The following KIF1A variants were observed in gnomAD, a reference collection of about 807,000 sequenced individuals.
KIF1A encodes the protein kinesin-like protein KIF1A.
In KIF1A, 46 loss-of-function variants were observed where a neutral mutation model predicts 227.3. The observed-to-expected ratio is 0.20, with a 90% CI of 0.16 to 0.26. The LOEUF (loss-of-function observed/expected upper bound fraction) is 0.26. Ranked by LOEUF, KIF1A falls within the 10% of genes least tolerant of loss-of-function variation. KIF1A has a pLI of 1.00. For missense variants in KIF1A, 1,683 were observed against 2,485.9 expected (o/e 0.68, Z 6.87); for synonymous variants, 1,022 against 1,012.8 (o/e 1.01, Z -0.17).
intron 38 of KIF1A, among the ~76,000 whole-genome samples, chr2:240,729,802 G>T (rs2046405656): frequency 1.3e-5 from 2 of 152,210 alleles, no homozygotes; most frequent in Non-Finnish European, 2.9e-5. Flanking sequence ...ATGGTGGGAG[G>T]GAGCCTTACA....
chr2:240,717,193 C>G lies in KIF1A; in HGVS notation c.*171G>C. ...TGACACGCACAGCCTCTGCTGGGAG[C>G]ACAGCTGGTCGTGTGGCACAGGTCC... On this transcript the variant is annotated 3_prime_UTR_variant, in exon 49 of 49. Coordinates refer to ENST00000498729, the MANE Select transcript of KIF1A (RefSeq NM_001244008.2). The G allele has an allele frequency of 1.7e-6, 1 of 590,254 alleles. No individual in the cohort carries two copies. Among genetic ancestry groups the G allele is most frequent in the South Asian group, 2.2e-5 (1 of 45,852 alleles). 36.6% of individuals were successfully genotyped at this position (590,254 alleles called of 1,614,324 possible). A position where few individuals can be genotyped will look rare whatever the true frequency, so the allele number is the denominator to read the frequency against.
chr2:240,748,097 G>A lies in KIF1A; in HGVS notation c.2978-776C>T, dbSNP rs564422816. Among the ~76,000 whole-genome samples, 5 of 152,348 alleles carry A rather than the reference G, an allele frequency of 3.3e-5. No homozygotes were observed. In the South Asian group the frequency reaches 6.2e-4, roughly 19 times the overall value. ...AAAATGATCCAGTTGTAGGATGGCC[G>A]GCAGGAGGCCTGGCGACGCAGCCCA... On this transcript the variant is annotated intron_variant, in intron 28 of 48. Transcript: ENST00000498729.
intron 1 of KIF1A, among the ~76,000 whole-genome samples, chr2:240,809,056 G>A (rs2126216729): frequency 6.6e-6 from 1 of 152,334 alleles, no homozygotes; most frequent in East Asian, 1.9e-4. Context: ...AAAGAAAATT[G>A]TAGAACTTTA....
At chr2:240,762,018 A>AC (rs1319717078) in intron 23 of KIF1A, among the ~76,000 whole-genome samples, 2 of 151,944 alleles carry the variant, frequency 1.3e-5, no homozygotes, top group Non-Finnish European at 2.9e-5. Context: ...TTGTGCTGAG[A>AC]CCCCACCCCT....
Position 240,740,545 on chromosome 2 carries a change from T to C in KIF1A, c.3750-181A>G, listed in dbSNP as rs1283188348. On this transcript the variant is annotated intron_variant, in intron 35 of 48. Transcript: ENST00000498729. This position sits in a 1 kb window ranked among gnomAD's most constrained non-coding sequence, Gnocchi z 6.1. ...GAGCACAGAAACCCACCAGGCCTCCTTGGCTATCACCTCCCAGCCCTGCCC... is the reference window on the plus strand; with the variant it reads ...GAGCACAGAAACCCACCAGGCCTCCCTGGCTATCACCTCCCAGCCCTGCCC... Among the ~76,000 whole-genome samples the C allele has an allele frequency of 6.6e-6, 1 of 152,050 alleles. No homozygotes were observed. The highest frequency in any genetic ancestry group is 2.4e-5 in the African/African-American group (1 of 41,398).
intron 1 of KIF1A, among the ~76,000 whole-genome samples, chr2:240,806,148 G>A (rs2057384740): frequency 6.6e-6 from 1 of 152,228 alleles, no homozygotes; most frequent in South Asian, 2.1e-4. Flanking sequence ...CTGGAGGCAG[G>A]CACAGCAAGG....
intron 20 of KIF1A, among the ~76,000 whole-genome samples, chr2:240,764,060 C>G (rs1350915203): frequency 6.6e-6 from 1 of 152,194 alleles, no homozygotes; most frequent in Non-Finnish European, 1.5e-5. Flanking sequence ...TGCAGGGGCT[C>G]TCTTTGGATG....
rs2125746658 is a variant in KIF1A at position 240,740,415 on chromosome 2, T to A, written c.3750-51A>T. 6.7e-7 allele frequency: 1 copy of A among 1,484,444 alleles called. No homozygotes were observed. Among genetic ancestry groups the A allele is most frequent in the East Asian group, 2.3e-5 (1 of 44,216 alleles). 92.0% of individuals were successfully genotyped at this position (1,484,444 alleles called of 1,614,324 possible). A position where few individuals can be genotyped will look rare whatever the true frequency, so the allele number is the denominator to read the frequency against. The stretch of plus-strand genomic sequence containing the variant: ...AGCGGCCAGCCCCTCCTCTCTGCCC[T>A]CCCCGCAGCACAGGACACAGTGGAC... On this transcript the variant is annotated intron_variant, in intron 35 of 48. Transcript: ENST00000498729. This position sits in a 1 kb window ranked among gnomAD's most constrained non-coding sequence, Gnocchi z 6.1.
At chr2:240,737,943 A>G (rs1258985946) in intron 37 of KIF1A, among the ~76,000 whole-genome samples, 1 of 152,240 alleles carries the variant, frequency 6.6e-6, no homozygotes, top group Non-Finnish European at 1.5e-5. Context: ...ATGGGTGCAC[A>G]CTGGGCCTGC....
chr2:240,734,635 C>G, intron 38 of KIF1A: 1 of 1,013,024 alleles, frequency 9.9e-7, no homozygotes, highest in Non-Finnish European at 1.4e-6. Flanking sequence ...TTCTCAGGGG[C>G]ATGGGGGGCG....
chr2:240,777,511 T>C (rs13026718), intron 10 of KIF1A, among the ~76,000 whole-genome samples: 100,139 of 151,942 alleles, frequency 0.66, 34,145 homozygotes, highest in African/African-American at 0.84. Flanking sequence ...AGTCGTGCTC[T>C]GCCATCTCCC....
intron 1 of KIF1A, among the ~76,000 whole-genome samples, chr2:240,800,636 A>G (rs1357844903): frequency 6.6e-6 from 1 of 152,254 alleles, no homozygotes; most frequent in African/African-American, 2.4e-5. Flanking sequence ...AGATTCCAGA[A>G]GACAGAGGTG....
intron 1 of KIF1A, among the ~76,000 whole-genome samples, chr2:240,798,189 T>G (rs530437669): frequency 1.3e-5 from 2 of 152,356 alleles, no homozygotes; most frequent in South Asian, 4.1e-4. Context: ...CAAGAGCCAG[T>G]GCTGGCTCCA....
chr2:240,745,112 TGGCTGAGCACCCCC>T (rs1440658144), intron 32 of KIF1A, among the ~76,000 whole-genome samples: 1 of 152,080 alleles, frequency 6.6e-6, no homozygotes, highest in African/African-American at 2.4e-5. Flanking sequence ...AGGGCTGCCC[TGGCTGAGCACCCCC>T]GGCCCTCAGT....
At chr2:240,754,192 G>A (rs982986185) in intron 27 of KIF1A, among the ~76,000 whole-genome samples, 4 of 152,176 alleles carry the variant, frequency 2.6e-5, no homozygotes, top group African/African-American at 9.7e-5. Context: ...GGGGCCCCGA[G>A]GGACATCCAG....
intron 27 of KIF1A, among the ~76,000 whole-genome samples, chr2:240,753,800 T>A (rs1210686458): frequency 6.6e-6 from 1 of 152,176 alleles, no homozygotes; most frequent in Non-Finnish European, 1.5e-5. Context: ...AATATGGTAC[T>A]TATACCTCAT....
At chr2:240,745,216 G>A (rs2048443889) in intron 32 of KIF1A, among the ~76,000 whole-genome samples, 1 of 152,084 alleles carries the variant, frequency 6.6e-6, no homozygotes, top group Non-Finnish European at 1.5e-5. Context: ...CAGGGGCTCT[G>A]AGCGGCCCCC....
chr2:240,736,562 C>T lies in KIF1A; in HGVS notation c.4007+501G>A, dbSNP rs1042007130. Reference sequence around the variant, plus strand: ...AGCCTAAATGCGGTCGGGCTGGGACCGCCCAGACTGTGGGGTCTTGGCCGT... The same window carrying T: ...AGCCTAAATGCGGTCGGGCTGGGACTGCCCAGACTGTGGGGTCTTGGCCGT... On this transcript the variant is annotated intron_variant, in intron 38 of 48. Coordinates refer to ENST00000498729, the MANE Select transcript of KIF1A (RefSeq NM_001244008.2). This position sits in a 1 kb window ranked among gnomAD's most constrained non-coding sequence, Gnocchi z 4.7. 3.9e-5 allele frequency among the ~76,000 whole-genome samples: 6 copies of T among 152,190 alleles called. No individual in the cohort carries two copies. The highest frequency in any genetic ancestry group is 1.3e-4 in the Admixed American group (2 of 15,274).
rs573341040 is a variant in KIF1A, at chr2:240,788,373, C to T, written c.184-143G>A. 10 of 730,194 alleles carry T rather than the reference C, an allele frequency of 1.4e-5. No homozygotes were observed. In the South Asian group the frequency reaches 1.6e-4, roughly 12 times the overall value. 45.2% of individuals were successfully genotyped at this position (730,194 alleles called of 1,614,324 possible). ...GGAGGGATGCCTGCCCCCCATCCTA[C>T]TCCTGCCTTGTGGGGTAGCTTCCTG... On this transcript the variant is annotated intron_variant, in intron 3 of 48. Coordinates refer to ENST00000498729, the MANE Select transcript of KIF1A (RefSeq NM_001244008.2). This position sits in a 1 kb window ranked among gnomAD's most constrained non-coding sequence, Gnocchi z 6.6.
Sources: allele counts gnomAD v4.1 joint callset (sites outside exome capture counted in the v4.1 genomes callset), GRCh38; gene constraint gnomAD v4.1.1; non-coding constraint Gnocchi (gnomAD v3.1); transcripts MANE v1.5; gene names NCBI Gene and HGNC (gene_info 2026-07-23, HGNC 2026-07-21).